The following CNTN3 variants were observed in gnomAD, a reference collection of about 807,000 sequenced individuals.
CNTN3 encodes the protein contactin-3.
Under a neutral mutation model 119.1 loss-of-function variants are expected in CNTN3, and 60 were observed. That is an observed-to-expected ratio of 0.50 (90% CI 0.41 to 0.62). The LOEUF is 0.62. CNTN3 is among the 20% of genes least tolerant of loss of function. The pLI, the probability that CNTN3 is intolerant of heterozygous loss-of-function variation, is 0.00. For synonymous variants in CNTN3, 450 were observed against 438.7 expected, an observed-to-expected ratio of 1.03 and a Z score of -0.32; for missense variants, 1,101 against 1,242.4, an observed-to-expected ratio of 0.89 and a Z score of 1.71.
chr3:74,423,665 G>A (rs539846895), intron 5 of CNTN3, among the ~76,000 whole-genome samples: 1 of 152,354 alleles, frequency 6.6e-6, no homozygotes, highest in South Asian at 2.1e-4. Context: ...GCAATCAAGA[G>A]GCTCTATGCT....
intron 5 of CNTN3, among the ~76,000 whole-genome samples, chr3:74,384,179 A>G (rs906780853): frequency 6.6e-6 from 1 of 152,230 alleles, no homozygotes; most frequent in Admixed American, 6.5e-5. Context: ...AACAACTATA[A>G]TAGAAGTTAT....
At chr3:74,476,945 G>A (rs1260232517) in intron 4 of CNTN3, among the ~76,000 whole-genome samples, 4 of 151,938 alleles carry the variant, frequency 2.6e-5, no homozygotes, top group South Asian at 2.1e-4. Flanking sequence ...AATAGATAAC[G>A]AGAAGATTCA....
intron 13 of CNTN3, among the ~76,000 whole-genome samples, chr3:74,332,419 T>C (rs1703286789): frequency 6.6e-6 from 1 of 152,186 alleles, no homozygotes; most frequent in Non-Finnish European, 1.5e-5. Context: ...AAGAACAGAA[T>C]TGGCAAGCGG....
chr3:74,578,467 T>C (rs1704452661), intron 1 of CNTN3, among the ~76,000 whole-genome samples: 1 of 152,052 alleles, frequency 6.6e-6, no homozygotes, highest in Admixed American at 6.6e-5. Flanking sequence ...AGGACTTTTC[T>C]TACATACAAT....
At chr3:74,307,714 T>C (rs1183157682) in intron 13 of CNTN3, among the ~76,000 whole-genome samples, 1 of 152,202 alleles carries the variant, frequency 6.6e-6, no homozygotes, top group Non-Finnish European at 1.5e-5. Flanking sequence ...ATCTACCACA[T>C]GCTAAAATCA....
chr3:74,332,389 A>T (rs1051174790), intron 13 of CNTN3, among the ~76,000 whole-genome samples: 3 of 152,238 alleles, frequency 2.0e-5, no homozygotes, highest in Non-Finnish European at 2.9e-5. Context: ...TTCTTAGGCC[A>T]TGAACTAGCA....
chr3:74,576,995 AGTCTT>A (rs1704429483), intron 1 of CNTN3, among the ~76,000 whole-genome samples: 1 of 152,162 alleles, frequency 6.6e-6, no homozygotes, highest in African/African-American at 2.4e-5. Context: ...CTTGGTAAGC[AGTCTT>A]CTTACCATAC....
chr3:74,582,381 G>A (rs1022054066), intron 1 of CNTN3, among the ~76,000 whole-genome samples: 6 of 146,086 alleles, frequency 4.1e-5, no homozygotes, highest in African/African-American at 9.9e-5. Flanking sequence ...ACTCCAGCCC[G>A]GGCGACAGAG....
At chr3:74,454,981 T>C (rs1036744932) in intron 4 of CNTN3, among the ~76,000 whole-genome samples, 7 of 152,170 alleles carry the variant, frequency 4.6e-5, no homozygotes, top group Non-Finnish European at 7.4e-5. Context: ...GACAATTATG[T>C]GTCTTGGAGT....
chr3:74,561,000 G>C (rs1284342533), intron 1 of CNTN3, among the ~76,000 whole-genome samples: 2 of 123,232 alleles, frequency 1.6e-5, no homozygotes, highest in African/African-American at 6.3e-5. Context: ...CACAGGGTGG[G>C]GAACATCATA....
rs569956523 is a variant in CNTN3 at position 74,267,120 on chromosome 3, C to T, written c.2817+146G>A. 9 of 573,944 alleles carry T rather than the reference C, an allele frequency of 1.6e-5. No individual in the cohort carries two copies. In the South Asian group the frequency reaches 2.1e-4, roughly 13 times the overall value. The allele number at this position is 573,944 out of a possible 1,614,324, so 35.6% of individuals were successfully genotyped here. A position where few individuals can be genotyped will look rare whatever the true frequency, so the allele number is the denominator to read the frequency against. ...TTTAAGAAGCTATTTTGAAAAATTA[C>T]CCATTTTATGGAAAGCTTGGTATCT... is the stretch of plus-strand genomic sequence containing the variant. On this transcript the variant is annotated intron_variant, in intron 21 of 22. Coordinates refer to ENST00000263665, the MANE Select transcript of CNTN3 (RefSeq NM_020872.3).
intron 4 of CNTN3, among the ~76,000 whole-genome samples, chr3:74,482,827 T>C (rs1702785914): frequency 6.6e-6 from 1 of 152,158 alleles, no homozygotes; most frequent in South Asian, 2.1e-4. Flanking sequence ...TACAAGGGTC[T>C]CCATTCTAAT....
At chr3:74,315,526 A>G (rs1702808746) in intron 13 of CNTN3, among the ~76,000 whole-genome samples, 1 of 152,202 alleles carries the variant, frequency 6.6e-6, no homozygotes, top group African/African-American at 2.4e-5. Flanking sequence ...ACCAAGAAAG[A>G]CCACATACTG....
At chr3:74,307,903 C>T (rs1168735130) in intron 13 of CNTN3, among the ~76,000 whole-genome samples, 3 of 152,110 alleles carry the variant, frequency 2.0e-5, no homozygotes, top group Admixed American at 6.6e-5. Flanking sequence ...TATTTGGAAC[C>T]GAGGTTGAGT....
rs747823102 is a variant in CNTN3 at position 74,267,280 on chromosome 3, C to T, written c.2803G>A (p.Val935Ile). 1.6e-5 allele frequency: 26 copies of T among 1,609,824 alleles called. No homozygotes were observed. The highest frequency in any genetic ancestry group is 2.2e-5 in the Non-Finnish European group (26 of 1,176,444). The change falls in exon 21 of 23, where the codon GTA (valine) becomes ATA (isoleucine). Residue 935 changes from valine (V) to isoleucine (I), a missense_variant. By Grantham distance (29) the Val-to-Ile change is conservative (BLOSUM62 3). Transcript: ENST00000263665. ...QVKAMENESE[V>I]TGYKVFYRTS... ...AGAAAACTTACTTTATATCCTGTTA[C>T]TTCTGACTCATTCTCCATGGCTTTA...
intron 13 of CNTN3, among the ~76,000 whole-genome samples, chr3:74,319,697 A>C (rs1206683352): frequency 6.6e-6 from 1 of 152,042 alleles, no homozygotes; most frequent in East Asian, 1.9e-4. Flanking sequence ...GCTTCTGCAC[A>C]GCAAAAGAAA....
intron 5 of CNTN3, among the ~76,000 whole-genome samples, chr3:74,418,205 C>T (rs1701556332): frequency 6.6e-6 from 1 of 152,030 alleles, no homozygotes; most frequent in Non-Finnish European, 1.5e-5. Flanking sequence ...TGTTTTTTCC[C>T]CCTAAAGAGA....
At chr3:74,292,229 C>A (rs1702245093) in intron 19 of CNTN3, among the ~76,000 whole-genome samples, 1 of 152,186 alleles carries the variant, frequency 6.6e-6, no homozygotes, top group African/African-American at 2.4e-5. Flanking sequence ...CTCAAAAATT[C>A]TTCTGAGGGA....
intron 1 of CNTN3, among the ~76,000 whole-genome samples, chr3:74,582,765 A>C (rs1704533344): frequency 6.8e-6 from 1 of 146,340 alleles, no homozygotes; most frequent in Non-Finnish European, 1.5e-5. Context: ...GATACCCATC[A>C]AGTGCATGTG....
Sources: allele counts gnomAD v4.1 joint callset (sites outside exome capture counted in the v4.1 genomes callset), GRCh38; gene constraint gnomAD v4.1.1; transcripts MANE v1.5; gene names NCBI Gene and HGNC (gene_info 2026-07-23, HGNC 2026-07-21).